The following CWC27 variants were observed in gnomAD, a reference collection of about 807,000 sequenced individuals.
The protein encoded by CWC27 is spliceosome-associated protein CWC27 homolog.
In CWC27, 47 loss-of-function variants were observed where a neutral mutation model predicts 63.6. The ratio of observed to expected loss-of-function variants is 0.74; its 90% CI spans 0.58 to 0.94. CWC27 has a LOEUF of 0.94. Among genes scored for constraint, CWC27 ranks in the 40% least tolerant of loss-of-function variants. The pLI, the probability that CWC27 is intolerant of heterozygous loss-of-function variation, is 0.00. For synonymous variants in CWC27, 175 were observed against 179.8 expected (o/e 0.97, Z 0.22); for missense variants, 495 against 554.3 (o/e 0.89, Z 1.07).
chr5:64,779,132 G>T (rs2112154459), intron 2 of CWC27, among the ~76,000 whole-genome samples: 1 of 152,244 alleles, frequency 6.6e-6, no homozygotes, highest in East Asian at 1.9e-4. Context: ...TATTCAGGTT[G>T]TATTCAGTTG....
chr5:64,949,981 C>T (rs1317276686), intron 11 of CWC27, among the ~76,000 whole-genome samples: 1 of 151,828 alleles, frequency 6.6e-6, no homozygotes, highest in Non-Finnish European at 1.5e-5. Flanking sequence ...TGAAATGTGA[C>T]CAGTTTAAAC....
At chr5:64,807,632 GA>G in intron 10 of CWC27, 1 of 1,535,628 alleles carries the variant, frequency 6.5e-7, no homozygotes, top group Non-Finnish European at 8.7e-7. Context: ...TTGACTACTG[GA>G]TACAGCTCAG....
intron 13 of CWC27, among the ~76,000 whole-genome samples, chr5:65,000,765 C>T (rs1433418355): frequency 6.6e-6 from 1 of 152,076 alleles, no homozygotes; most frequent in Non-Finnish European, 1.5e-5. Flanking sequence ...AGTGTGATAC[C>T]TCCAGCTTTG....
At chr5:64,856,113 A>T (rs1746252300) in intron 10 of CWC27, among the ~76,000 whole-genome samples, 1 of 152,102 alleles carries the variant, frequency 6.6e-6, no homozygotes, top group Non-Finnish European at 1.5e-5. Context: ...TCCAATATTA[A>T]TTATATTTTA....
intron 7 of CWC27, among the ~76,000 whole-genome samples, chr5:64,796,750 TC>T (rs1561411102): frequency 2.2e-4 from 13 of 57,880 alleles, no homozygotes; most frequent in Non-Finnish European, 4.4e-4. Flanking sequence ...TCCTCCTCCC[TC>T]CCTCCCTCCC....
chr5:64,781,325 T>G (rs1743680319), intron 2 of CWC27, among the ~76,000 whole-genome samples: 1 of 152,192 alleles, frequency 6.6e-6, no homozygotes, highest in Non-Finnish European at 1.5e-5. Flanking sequence ...GAGGGTGTAT[T>G]GATGGTTCTA....
chr5:65,016,258 T>G (rs767012596), intron 13 of CWC27, among the ~76,000 whole-genome samples: 1 of 152,142 alleles, frequency 6.6e-6, no homozygotes, highest in Non-Finnish European at 1.5e-5. Flanking sequence ...GGAATGGAAG[T>G]GTAAAAAGTC....
At chr5:64,803,420 A>G (rs1379387578) in intron 9 of CWC27, among the ~76,000 whole-genome samples, 2 of 152,120 alleles carry the variant, frequency 1.3e-5, no homozygotes, top group African/African-American at 4.8e-5. Context: ...GTTTGCTGTA[A>G]TTGGATGACA....
chr5:64,896,321 G>A (rs1747373188), intron 11 of CWC27, among the ~76,000 whole-genome samples: 1 of 152,128 alleles, frequency 6.6e-6, no homozygotes, highest in Non-Finnish European at 1.5e-5. Flanking sequence ...GCAAAAGTTA[G>A]GTGAGCCCAG....
chr5:64,972,030 C>T (rs1179829273), intron 12 of CWC27, among the ~76,000 whole-genome samples: 1 of 152,136 alleles, frequency 6.6e-6, no homozygotes, highest in Middle Eastern at 3.2e-3. Context: ...CTGGAACTTC[C>T]ACGTTTCAAC....
intron 10 of CWC27, among the ~76,000 whole-genome samples, chr5:64,877,640 A>G (rs2112333175): frequency 6.6e-6 from 1 of 152,134 alleles, no homozygotes; most frequent in East Asian, 1.9e-4. Context: ...TACGTATTCT[A>G]TAGCTGTAAC....
intron 11 of CWC27, among the ~76,000 whole-genome samples, chr5:64,949,650 C>G (rs1479627766): frequency 6.6e-6 from 1 of 151,998 alleles, no homozygotes; most frequent in Non-Finnish European, 1.5e-5. Flanking sequence ...GCCTGCCACA[C>G]TAAGCTCATC....
intron 13 of CWC27, among the ~76,000 whole-genome samples, chr5:65,011,074 T>C (rs1749946007): frequency 1.3e-5 from 2 of 152,142 alleles, no homozygotes; most frequent in African/African-American, 4.8e-5. Flanking sequence ...AGAGCCACCA[T>C]AGAGCCAGGT....
chr5:64,851,722 G>C (rs1746137782), intron 10 of CWC27, among the ~76,000 whole-genome samples: 1 of 151,998 alleles, frequency 6.6e-6, no homozygotes. Flanking sequence ...TGTTTGAAAG[G>C]CATCAAACTT....
rs35152901 is a variant in CWC27, at chr5:64,880,854, A to ATTT, written c.939-4571_939-4569dup. ...GAGTTAGTAACAGTTTATAAAAGCC[A>ATTT]TTTTTTTTTTTTTTTTTTTTACCAT... On this transcript the variant is annotated intron_variant, in intron 10 of 13. Coordinates refer to ENST00000381070, the MANE Select transcript of CWC27 (RefSeq NM_005869.4). 1.9e-3 allele frequency among the ~76,000 whole-genome samples: 255 copies of ATTT among 136,014 alleles called. 1 individual carries two copies. The highest frequency in any genetic ancestry group is 6.4e-3 in the African/African-American group (238 of 37,004). 89.2% of individuals were successfully genotyped at this position (136,014 alleles called of 152,430 possible). A position where few individuals can be genotyped will look rare whatever the true frequency, so the allele number is the denominator to read the frequency against.
chr5:64,871,130 T>G (rs1746665162), intron 10 of CWC27, among the ~76,000 whole-genome samples: 1 of 152,162 alleles, frequency 6.6e-6, no homozygotes, highest in South Asian at 2.1e-4. Context: ...TCTCAAAGAA[T>G]GATTAGCACT....
intron 13 of CWC27, among the ~76,000 whole-genome samples, chr5:65,015,012 A>T (rs266581): frequency 0.14 from 20,781 of 152,180 alleles, 1,833 homozygotes; most frequent in Admixed American, 0.28. Flanking sequence ...GGACTTGCTT[A>T]GTGCAGTGGT....
chr5:64,996,151 A>G (rs536624995), intron 13 of CWC27, among the ~76,000 whole-genome samples: 27 of 152,298 alleles, frequency 1.8e-4, no homozygotes, highest in African/African-American at 6.3e-4. Context: ...TGGTACACTG[A>G]GCAAAAGCAC....
intron 2 of CWC27, among the ~76,000 whole-genome samples, chr5:64,779,998 C>T (rs1349440825): frequency 6.6e-6 from 1 of 152,184 alleles, no homozygotes; most frequent in African/African-American, 2.4e-5. Flanking sequence ...AATTAAACCT[C>T]TTTCCTTTAT....
Sources: gnomAD v4.1 joint callset for allele counts (sites outside exome capture counted in the v4.1 genomes callset) on GRCh38, gnomAD v4.1.1 for gene constraint, MANE v1.5 for transcripts, NCBI Gene and HGNC (gene_info 2026-07-23, HGNC 2026-07-21) for gene names.